The following PCSK2 variants were observed in gnomAD, a reference collection of about 807,000 sequenced individuals.
The protein encoded by PCSK2 is proprotein convertase subtilisin/kexin type 2.
A neutral mutation model predicts 69.7 loss-of-function variants in PCSK2; 14 were observed. The observed-to-expected ratio is 0.20, with a 90% CI of 0.13 to 0.31. The LOEUF (loss-of-function observed/expected upper bound fraction) is 0.31, where lower values mean the gene tolerates loss of function less well. PCSK2 is among the 10% of genes least tolerant of loss of function. The pLI is 1.00. For synonymous variants in PCSK2, 307 were observed against 320.7 expected, an observed-to-expected ratio of 0.96 and a Z score of 0.46; for missense variants, 544 against 842.5, an observed-to-expected ratio of 0.65 and a Z score of 4.39.
chr20:17,332,147 A>C (rs1283022520), intron 2 of PCSK2, among the ~76,000 whole-genome samples: 2 of 152,230 alleles, frequency 1.3e-5, no homozygotes, highest in Non-Finnish European at 2.9e-5. Context: ...TGTTCACAGC[A>C]ATATAGACAG....
intron 6 of PCSK2, among the ~76,000 whole-genome samples, chr20:17,425,743 G>C (rs1438421780): frequency 6.6e-6 from 1 of 152,146 alleles, no homozygotes; most frequent in East Asian, 1.9e-4. Flanking sequence ...CAGTGATTAG[G>C]GGATGCAGAC....
intron 1 of PCSK2, among the ~76,000 whole-genome samples, chr20:17,258,222 A>G (rs918682451): frequency 2.0e-5 from 3 of 152,242 alleles, no homozygotes; most frequent in African/African-American, 7.2e-5. Context: ...CTGCAGAGCT[A>G]TGAAGAAGAG....
chr20:17,245,531 T>C (rs1198895062), intron 1 of PCSK2, among the ~76,000 whole-genome samples: 1 of 152,120 alleles, frequency 6.6e-6, no homozygotes, highest in Non-Finnish European at 1.5e-5. Flanking sequence ...TGTTTGGGAG[T>C]AGTTAACTTC....
intron 2 of PCSK2, among the ~76,000 whole-genome samples, chr20:17,285,169 G>A (rs889867193): frequency 1.3e-5 from 2 of 152,156 alleles, no homozygotes; most frequent in Admixed American, 6.5e-5. Flanking sequence ...ACCCTGTGAG[G>A]ATGGCTTCAA....
chr20:17,458,222 C>A (rs1568658818), intron 10 of PCSK2, among the ~76,000 whole-genome samples: 1 of 152,070 alleles, frequency 6.6e-6, no homozygotes, highest in African/African-American at 2.4e-5. Context: ...TGGAAGCAGA[C>A]CCTGAGATGA....
At chr20:17,481,527 C>G (rs924737623) in intron 11 of PCSK2, 57 bp from the exon 12 acceptor site, 2 of 1,548,250 alleles carry the variant, frequency 1.3e-6, no homozygotes, top group Non-Finnish European at 1.8e-6. Flanking sequence ...CCCTCAAAAT[C>G]CCTTGTAAGG....
intron 5 of PCSK2, among the ~76,000 whole-genome samples, chr20:17,392,856 C>T (rs6034814): frequency 2.0e-5 from 3 of 151,650 alleles, no homozygotes; most frequent in Admixed American, 6.6e-5. Flanking sequence ...TCAGTTTGGA[C>T]GATTATAAAT....
chr20:17,300,223 G>A (rs1017667204), intron 2 of PCSK2, among the ~76,000 whole-genome samples: 32 of 152,302 alleles, frequency 2.1e-4, no homozygotes, highest in Non-Finnish European at 2.8e-4. Context: ...CAGTTCACTG[G>A]CTACACCTGC....
intron 2 of PCSK2, among the ~76,000 whole-genome samples, chr20:17,319,033 TCAGATAGGATG>T (rs1568601034): frequency 6.6e-6 from 1 of 152,252 alleles, no homozygotes; most frequent in Non-Finnish European, 1.5e-5. Flanking sequence ...TATTTTTTCA[TCAGATAGGATG>T]TAATCAACCA....
intron 2 of PCSK2, among the ~76,000 whole-genome samples, chr20:17,355,691 G>A (rs535912619): frequency 7.8e-6 from 1 of 128,502 alleles, no homozygotes; most frequent in South Asian, 2.4e-4. Context: ...AGAGCTATGG[G>A]AATATGCTGC....
chr20:17,286,407 T>G (rs1988511681), intron 2 of PCSK2, among the ~76,000 whole-genome samples: 1 of 152,212 alleles, frequency 6.6e-6, no homozygotes, highest in South Asian at 2.1e-4. Flanking sequence ...ATGAAGAAAT[T>G]AGGTGCAGCC....
intron 8 of PCSK2, among the ~76,000 whole-genome samples, chr20:17,437,242 G>A (rs776461739): frequency 6.6e-6 from 1 of 152,208 alleles, no homozygotes; most frequent in Non-Finnish European, 1.5e-5. Context: ...TCGTTGGCTG[G>A]CAGTAGCACA....
At chr20:17,239,485 TTG>T (rs1462176913) in intron 1 of PCSK2, among the ~76,000 whole-genome samples, 1 of 151,900 alleles carries the variant, frequency 6.6e-6, no homozygotes, top group Non-Finnish European at 1.5e-5. Context: ...CCTTGGAGAG[TTG>T]TGTCTTAAAT....
chr20:17,321,148 AT>A (rs1568601949), intron 2 of PCSK2, among the ~76,000 whole-genome samples: 1 of 152,066 alleles, frequency 6.6e-6, no homozygotes, highest in Non-Finnish European at 1.5e-5. Flanking sequence ...GAAAGCAAAG[AT>A]TTTTTCCTTG....
At chr20:17,355,548 C>T (rs917172661) in intron 2 of PCSK2, among the ~76,000 whole-genome samples, 12 of 152,020 alleles carry the variant, frequency 7.9e-5, no homozygotes, top group Admixed American at 5.2e-4. Flanking sequence ...AAGAAGTTTG[C>T]GAGATGGGTG....
chr20:17,369,106 G>T, intron 4 of PCSK2, 134 bp from the exon 5 acceptor site: 1 of 726,128 alleles, frequency 1.4e-6, no homozygotes. Context: ...GGAGCTGTGT[G>T]ATGGGGCACT....
At chr20:17,333,121 GA>G (rs1269806895) in intron 2 of PCSK2, among the ~76,000 whole-genome samples, 2 of 151,980 alleles carry the variant, frequency 1.3e-5, no homozygotes, top group Non-Finnish European at 2.9e-5. Context: ...CTGTTTCTAG[GA>G]AACACATACT....
chr20:17,347,229 A>G (rs1178164274), intron 2 of PCSK2, among the ~76,000 whole-genome samples: 1 of 152,164 alleles, frequency 6.6e-6, no homozygotes, highest in African/African-American at 2.4e-5. Flanking sequence ...CCAAAAAGTC[A>G]TATCTCCTGC....
chr20:17,358,461 T>C, intron 3 of PCSK2, 21 bp downstream of exon 3: 1 of 1,247,132 alleles, frequency 8.0e-7, no homozygotes, highest in Non-Finnish European at 1.2e-6. Flanking sequence ...TTATGTCCTT[T>C]TGGACATTTC....
Sources: allele counts gnomAD v4.1 joint callset (sites outside exome capture counted in the v4.1 genomes callset), GRCh38; gene constraint gnomAD v4.1.1; transcripts MANE v1.5; gene names NCBI Gene and HGNC (gene_info 2026-07-23, HGNC 2026-07-21).